PIWIL4: variants seen among roughly 807,000 people sequenced by gnomAD.
PIWIL4 encodes the protein piwi-like protein 4.
Under a neutral mutation model 100.9 loss-of-function variants are expected in PIWIL4, and 50 were observed. The observed-to-expected ratio is 0.50, with a 90% CI of 0.39 to 0.63. The LOEUF (loss-of-function observed/expected upper bound fraction) is 0.63. Among genes scored for constraint, PIWIL4 ranks in the 20% least tolerant of loss-of-function variants. The pLI is 0.00. For missense variants in PIWIL4, 887 were observed against 1,043.3 expected, an observed-to-expected ratio of 0.85 and a Z score of 2.06; for synonymous variants, 342 against 367.5, an observed-to-expected ratio of 0.93 and a Z score of 0.79.
chr11:94,598,992 G>A (rs1948598992), intron 11 of PIWIL4, among the ~76,000 whole-genome samples: 1 of 152,112 alleles, frequency 6.6e-6, no homozygotes. Context: ...ACAGACATGA[G>A]CCACCATGCC....
At chr11:94,568,846 A>G in intron 2 of PIWIL4, 38 bp downstream of exon 2, 2 of 1,528,400 alleles carry the variant, frequency 1.3e-6, no homozygotes, top group Non-Finnish European at 1.8e-6. Flanking sequence ...GTACCATTCA[A>G]CCTGAATGGA....
Position 94,616,506 on chromosome 11 carries a change from T to C in PIWIL4, c.1957T>C (p.Cys653Arg). ...NPRITRWFSR[C>R]ILQRTMTDVA... The stretch of plus-strand genomic sequence containing the variant: ...TTTTAACTTTAGGTGGTTTTCCCGC[T>C]GTATCCTTCAGAGAACAATGACTGA... The change falls in exon 16 of 20, where the codon TGT becomes CGT. Residue 653 changes from cysteine (C) to arginine (R), a missense_variant. Cys to Arg is a radical substitution (Grantham distance 180, BLOSUM62 -3). Coordinates refer to ENST00000299001, the MANE Select transcript of PIWIL4 (RefSeq NM_152431.3). The C allele has an allele frequency of 6.2e-7, 1 of 1,601,842 alleles. No individual in the cohort carries two copies. The highest frequency in any genetic ancestry group is 8.5e-7 in the Non-Finnish European group (1 of 1,176,516).
intron 13 of PIWIL4, among the ~76,000 whole-genome samples, chr11:94,605,720 G>T (rs1461911744): frequency 6.6e-6 from 1 of 152,158 alleles, no homozygotes; most frequent in Non-Finnish European, 1.5e-5. Flanking sequence ...GGCATAGGAA[G>T]AACTTTCTCT....
chr11:94,595,738 C>T (rs746312731), intron 10 of PIWIL4, among the ~76,000 whole-genome samples: 1 of 152,182 alleles, frequency 6.6e-6, no homozygotes, highest in South Asian at 2.1e-4. Flanking sequence ...ATAACAACAA[C>T]CTTCAAGCAA....
At chr11:94,567,658 A>C in intron 1 of PIWIL4, 53 bp downstream of exon 1, 4 of 1,495,042 alleles carry the variant, frequency 2.7e-6, no homozygotes, top group Non-Finnish European at 3.6e-6. Context: ...CTCTGTCTCT[A>C]GCCTGAACAA....
intron 8 of PIWIL4, among the ~76,000 whole-genome samples, chr11:94,592,924 G>A (rs1014823612): frequency 6.6e-6 from 1 of 152,128 alleles, no homozygotes; most frequent in Non-Finnish European, 1.5e-5. Context: ...TTTCATAGAT[G>A]AGGAAAGTTA....
intron 4 of PIWIL4, among the ~76,000 whole-genome samples, chr11:94,578,144 C>T (rs967604384): frequency 1.3e-5 from 2 of 152,130 alleles, no homozygotes; most frequent in African/African-American, 4.8e-5. Context: ...GGACCACTTC[C>T]ACCTCTCGGT....
intron 18 of PIWIL4, 45 bp from the exon 19 acceptor site, chr11:94,619,952 T>C: frequency 6.2e-7 from 1 of 1,614,128 alleles, no homozygotes; most frequent in South Asian, 1.1e-5. Flanking sequence ...TTTGACCTTA[T>C]TCTGTTTGCC....
intron 11 of PIWIL4, among the ~76,000 whole-genome samples, chr11:94,601,537 C>T (rs774408361): frequency 3.9e-5 from 6 of 152,210 alleles, no homozygotes; most frequent in Admixed American, 2.6e-4. Context: ...TCTCTGTGCA[C>T]CGCAGAGAAT....
At position 94,569,911 on chromosome 11, in the gene PIWIL4, A is replaced by C. The variant is rs1343217845; in HGVS notation, c.166+1103A>C. ...AAAAGCCCAGACTTCACACTATGCA[A>C]TATATCCATGTAACAAAACTATGCT... On this transcript the variant is annotated intron_variant, in intron 2 of 19. Transcript: ENST00000299001. Among the ~76,000 whole-genome samples the C allele has an allele frequency of 5.9e-5, 9 of 152,180 alleles. No homozygotes were observed. In the East Asian group the frequency reaches 1.2e-3, roughly 20 times the overall value.
intron 15 of PIWIL4, among the ~76,000 whole-genome samples, chr11:94,614,300 C>CTTTTTTTT (rs57731239): frequency 1.0e-4 from 12 of 120,120 alleles, no homozygotes; most frequent in African/African-American, 1.6e-4. Context: ...TTTTTCTTTT[C>CTTTTTTTT]TTTTTTTTTT....
chr11:94,607,220 C>T (rs1435177410), intron 13 of PIWIL4, among the ~76,000 whole-genome samples: 3 of 152,030 alleles, frequency 2.0e-5, no homozygotes, highest in Admixed American at 2.0e-4. Flanking sequence ...TGGGGCTTTG[C>T]AGAGTGAATG....
At chr11:94,618,656 G>C (rs1219417510) in intron 17 of PIWIL4, among the ~76,000 whole-genome samples, 2 of 152,214 alleles carry the variant, frequency 1.3e-5, no homozygotes, top group Non-Finnish European at 1.5e-5. Context: ...ATTTTCTGCA[G>C]TGATTATGTG....
chr11:94,587,364 C>A, intron 7 of PIWIL4, 117 bp downstream of exon 7: 2 of 1,107,616 alleles, frequency 1.8e-6, no homozygotes, highest in Admixed American at 5.2e-5. Context: ...ATTTACTCAT[C>A]TGTTTAGAAG....
At chr11:94,619,907 A>G (rs764874598) in intron 18 of PIWIL4, 22 bp downstream of exon 18, 7 of 1,614,026 alleles carry the variant, frequency 4.3e-6, no homozygotes, top group Middle Eastern at 1.6e-4. Flanking sequence ...TGGAAAATCA[A>G]TTTTTAACAA....
chr11:94,594,625 C>A (rs181145216), intron 9 of PIWIL4, among the ~76,000 whole-genome samples: 1 of 151,776 alleles, frequency 6.6e-6, no homozygotes, highest in Non-Finnish European at 1.5e-5. Flanking sequence ...CTCTGCCTCC[C>A]GGGTTCAAGC....
intron 2 of PIWIL4, among the ~76,000 whole-genome samples, chr11:94,573,667 G>C (rs975109671): frequency 6.6e-6 from 1 of 152,164 alleles, no homozygotes; most frequent in South Asian, 2.1e-4. Flanking sequence ...TAAGCTTTTT[G>C]ATATGCGCAC....
chr11:94,617,968 T>C lies in PIWIL4; in HGVS notation c.2029T>C (p.Trp677Arg), dbSNP rs780629314. ...AAATTCTGCAGGAGCACTCAACAAA[T>C]GGTACAAGTACAATCATGATTTGCC... The part of the protein sequence containing the change: ...KVFMTGALNK[W>R]YKYNHDLPAR... The change falls in exon 17 of 20, where the codon TGG (tryptophan) becomes CGG (arginine). Residue 677 changes from tryptophan (W) to arginine (R), a missense_variant. Around this residue, in one of 2 missense-constraint regions of PIWIL4, gnomAD observed 741 missense variants for 930.0 expected, o/e 0.80. Transcript: ENST00000299001. 6 of 1,614,006 alleles carry C rather than the reference T, an allele frequency of 3.7e-6. No homozygotes were observed. Among genetic ancestry groups the C allele is most frequent in the South Asian group, 1.1e-5 (1 of 91,066 alleles).
chr11:94,572,894 C>G (rs1409440152), intron 2 of PIWIL4, among the ~76,000 whole-genome samples: 1 of 152,202 alleles, frequency 6.6e-6, no homozygotes, highest in Non-Finnish European at 1.5e-5. Context: ...TGGCCGTTTT[C>G]ACGATATTGA....
Sources: allele counts gnomAD v4.1 joint callset (sites outside exome capture counted in the v4.1 genomes callset), GRCh38; gene constraint gnomAD v4.1.1; regional missense constraint gnomAD v4.1.1; transcripts MANE v1.5; gene names NCBI Gene and HGNC (gene_info 2026-07-23, HGNC 2026-07-21).